SLC25A21: variants seen among roughly 807,000 people sequenced by gnomAD.
The protein encoded by SLC25A21 is mitochondrial 2-oxodicarboxylate carrier.
Under a neutral mutation model 43.8 loss-of-function variants are expected in SLC25A21, and 47 were observed. The ratio of observed to expected loss-of-function variants is 1.07; its 90% confidence interval spans 0.85 to 1.37. SLC25A21 has a LOEUF of 1.37. SLC25A21 is among the 40% of genes most tolerant of loss of function. SLC25A21 has a pLI of 0.00. For missense variants in SLC25A21, 352 were observed against 350.2 expected (o/e 1.00, Z -0.04); for synonymous variants, 131 against 121.3 (o/e 1.08, Z -0.52).
intron 1 of SLC25A21, among the ~76,000 whole-genome samples, chr14:36,898,047 A>G (rs962819557): frequency 1.3e-5 from 2 of 151,892 alleles, no homozygotes; most frequent in African/African-American, 2.4e-5. Flanking sequence ...GAGAACCACT[A>G]CTCTCTTCAA....
intron 7 of SLC25A21, among the ~76,000 whole-genome samples, chr14:36,695,229 G>A (rs1400859652): frequency 6.6e-6 from 1 of 152,100 alleles, no homozygotes; most frequent in Admixed American, 6.6e-5. Flanking sequence ...GTAGATGTGT[G>A]GTGTTATTTC....
intron 1 of SLC25A21, among the ~76,000 whole-genome samples, chr14:37,066,975 A>G (rs1726432399): frequency 6.6e-6 from 1 of 152,194 alleles, no homozygotes. Context: ...ATGAGGGAAA[A>G]TACTAGCACT....
chr14:37,082,485 G>T (rs1055330613), intron 1 of SLC25A21, among the ~76,000 whole-genome samples: 1 of 152,126 alleles, frequency 6.6e-6, no homozygotes. Context: ...GCTTTACAGG[G>T]ACACCATCTA....
intron 1 of SLC25A21, among the ~76,000 whole-genome samples, chr14:37,146,156 A>G (rs1238969057): frequency 1.3e-5 from 2 of 152,246 alleles, no homozygotes; most frequent in Non-Finnish European, 2.9e-5. Flanking sequence ...TAAATAAAAC[A>G]CTTGACATTT....
At chr14:37,016,361 G>A (rs962066350) in intron 1 of SLC25A21, among the ~76,000 whole-genome samples, 11 of 151,996 alleles carry the variant, frequency 7.2e-5, no homozygotes, top group Admixed American at 2.6e-4. Context: ...GTAGATATGC[G>A]GCGTTATTTC....
chr14:36,811,417 G>A (rs712336), intron 3 of SLC25A21, among the ~76,000 whole-genome samples: 1,606 of 152,180 alleles, frequency 0.011, 14 homozygotes, highest in Admixed American at 0.027. Context: ...TTGGGAGGCC[G>A]AGGAGGGTGG....
chr14:37,130,082 C>A (rs1178901268), intron 1 of SLC25A21, among the ~76,000 whole-genome samples: 1 of 54,398 alleles, frequency 1.8e-5, no homozygotes, highest in Non-Finnish European at 3.3e-5. Context: ...GAGACCCTGT[C>A]TCTACAAAAA....
intron 1 of SLC25A21, among the ~76,000 whole-genome samples, chr14:37,018,029 C>T (rs1382154040): frequency 6.6e-6 from 1 of 151,476 alleles, no homozygotes; most frequent in Non-Finnish European, 1.5e-5. Flanking sequence ...ATAATAATGA[C>T]ATATATGGAA....
At position 36,742,921 on chromosome 14, in the gene SLC25A21, C is replaced by T. The variant is rs561631490; in HGVS notation, c.204-8348G>A. 1.8e-4 allele frequency among the ~76,000 whole-genome samples: 28 copies of T among 152,294 alleles called. 2 individuals carry two copies. In the South Asian group the frequency reaches 5.8e-3, roughly 32 times the overall value. On this transcript the variant is annotated intron_variant, in intron 3 of 9. Transcript: ENST00000331299. ...GAATTCTTTCAAGTTTTCCTGAACA[C>T]ACTTTTCAAACTGTATGTTTAGTAT...
chr14:37,082,033 A>C (rs906220918), intron 1 of SLC25A21, among the ~76,000 whole-genome samples: 3 of 152,226 alleles, frequency 2.0e-5, no homozygotes, highest in Non-Finnish European at 2.9e-5. Flanking sequence ...CACACACACC[A>C]TGGAGTACTA....
chr14:36,704,595 T>C (rs916650360), intron 7 of SLC25A21, among the ~76,000 whole-genome samples: 1 of 146,146 alleles, frequency 6.8e-6, no homozygotes, highest in Non-Finnish European at 1.5e-5. Flanking sequence ...AGGCGGAGGT[T>C]GCAGTGAGCC....
intron 1 of SLC25A21, among the ~76,000 whole-genome samples, chr14:37,135,305 G>A (rs1328142019): frequency 1.3e-5 from 2 of 152,036 alleles, no homozygotes; most frequent in African/African-American, 4.8e-5. Context: ...AGCTGAGATG[G>A]CAGTATCACT....
intron 1 of SLC25A21, among the ~76,000 whole-genome samples, chr14:36,933,811 G>A (rs1892351642): frequency 6.6e-6 from 1 of 152,130 alleles, no homozygotes; most frequent in Non-Finnish European, 1.5e-5. Context: ...CTGCACTATA[G>A]ATAGCCATAT....
intron 2 of SLC25A21, among the ~76,000 whole-genome samples, chr14:36,816,097 T>C (rs1222464152): frequency 1.3e-5 from 2 of 152,148 alleles, no homozygotes; most frequent in African/African-American, 2.4e-5. Flanking sequence ...GTTGGGCATA[T>C]GGGCAGAGTG....
intron 1 of SLC25A21, among the ~76,000 whole-genome samples, chr14:36,980,476 C>T (rs965550939): frequency 7.2e-5 from 11 of 152,298 alleles, no homozygotes; most frequent in African/African-American, 1.7e-4. Flanking sequence ...CTTCTCTTCT[C>T]GCTTCATTTC....
chr14:37,172,586 G>A lies in SLC25A21; in HGVS notation c.-236C>T, dbSNP rs1189450884. 1 of 694,846 alleles carries A rather than the reference G, an allele frequency of 1.4e-6. No homozygotes were observed. The highest frequency in any genetic ancestry group is 2.6e-6 in the Non-Finnish European group (1 of 380,278). The allele number at this position is 694,846 out of a possible 1,614,324, so 43.0% of individuals were successfully genotyped here. A position where few individuals can be genotyped will look rare whatever the true frequency, so the allele number is the denominator to read the frequency against. ...CTCTCGCAGAGGCGCCCTCGGCTCC[G>A]AAAATGTCTCTGGAAAGAAGACCCG... is the stretch of plus-strand genomic sequence containing the variant. On this transcript the variant is annotated 5_prime_UTR_variant, in exon 1 of 10. Transcript: ENST00000331299.
chr14:36,780,339 C>T (rs1039576648), intron 3 of SLC25A21, among the ~76,000 whole-genome samples: 4 of 151,848 alleles, frequency 2.6e-5, no homozygotes, highest in Non-Finnish European at 4.4e-5. Context: ...TTTATTTCTG[C>T]TTTGATCATT....
At chr14:36,892,615 G>A (rs1252650726) in intron 1 of SLC25A21, among the ~76,000 whole-genome samples, 1 of 151,792 alleles carries the variant, frequency 6.6e-6, no homozygotes, top group Non-Finnish European at 1.5e-5. Context: ...AGTTACATAT[G>A]TATACATGTG....
intron 1 of SLC25A21, among the ~76,000 whole-genome samples, chr14:37,083,077 A>G (rs1962419055): frequency 6.6e-6 from 1 of 152,192 alleles, no homozygotes; most frequent in Non-Finnish European, 1.5e-5. Flanking sequence ...GACTTAATAA[A>G]TCAAATTGTT....
Sources: allele counts gnomAD v4.1 joint callset (sites outside exome capture counted in the v4.1 genomes callset), GRCh38; gene constraint gnomAD v4.1.1; transcripts MANE v1.5; gene names NCBI Gene and HGNC (gene_info 2026-07-23, HGNC 2026-07-21).